The following TCF25 variants were observed in gnomAD, a reference collection of about 807,000 sequenced individuals.
The protein encoded by TCF25 is ribosome quality control complex subunit TCF25.
Under a neutral mutation model 83.1 loss-of-function variants are expected in TCF25, and 41 were observed. The observed-to-expected ratio is 0.49, with a 90% CI of 0.38 to 0.64. TCF25 has a LOEUF of 0.64. Among genes scored for constraint, TCF25 ranks in the 30% least tolerant of loss-of-function variants. TCF25 has a pLI of 0.00. For missense variants in TCF25, 979 were observed against 914.5 expected (o/e 1.07, Z -0.91); for synonymous variants, 458 against 365.0 (o/e 1.25, Z -2.90).
At chr16:89,910,701 G>A (rs1189722035) in intron 17 of TCF25, 38 bp downstream of exon 17, 5 of 1,602,768 alleles carry the variant, frequency 3.1e-6, no homozygotes, top group East Asian at 4.5e-5. Flanking sequence ...CTCCCCAGTG[G>A]GTGCGGGCAT....
At chr16:89,878,343 T>G (rs1597257592) in intron 1 of TCF25, 1 of 957,846 alleles carries the variant, frequency 1.0e-6, no homozygotes, top group Non-Finnish European at 1.3e-6. Flanking sequence ...CCCAGCACTG[T>G]GGGAGGCCAA....
chr16:89,900,256 C>G (rs1163098041), intron 11 of TCF25, among the ~76,000 whole-genome samples: 1 of 152,012 alleles, frequency 6.6e-6, no homozygotes, highest in Non-Finnish European at 1.5e-5. Context: ...GAAACTCGCG[C>G]GGCAGTGGGC....
intron 1 of TCF25, chr16:89,878,625 T>G (rs1567692836): frequency 8.8e-7 from 1 of 1,137,204 alleles, no homozygotes; most frequent in East Asian, 7.3e-5. Flanking sequence ...TCACAGCTTT[T>G]GGGTAGGTAA....
intron 5 of TCF25, chr16:89,889,371 C>G: frequency 1.1e-5 from 3 of 279,950 alleles, no homozygotes; most frequent in South Asian, 1.0e-4. Flanking sequence ...GAAACAAGGT[C>G]TTACTTTGTT....
At chr16:89,896,892 G>A (rs568216278) in intron 9 of TCF25, among the ~76,000 whole-genome samples, 9 of 152,072 alleles carry the variant, frequency 5.9e-5, no homozygotes, top group Non-Finnish European at 1.2e-4. Context: ...GCCTGGTGGC[G>A]CGTGCCTGTG....
At chr16:89,876,743 G>C (rs996426602) in intron 1 of TCF25, among the ~76,000 whole-genome samples, 1 of 151,938 alleles carries the variant, frequency 6.6e-6, no homozygotes, top group Non-Finnish European at 1.5e-5. Flanking sequence ...TGGCTAACAC[G>C]GTGAAACCCC....
chr16:89,880,277 A>G (rs1257357775), intron 1 of TCF25, among the ~76,000 whole-genome samples: 2 of 152,212 alleles, frequency 1.3e-5, no homozygotes, highest in Non-Finnish European at 2.9e-5. Flanking sequence ...AGTCAGCATG[A>G]GTTAATAAAA....
chr16:89,875,187 G>A (rs2042085188), intron 1 of TCF25, among the ~76,000 whole-genome samples: 1 of 152,128 alleles, frequency 6.6e-6, no homozygotes, highest in Admixed American at 6.6e-5. Context: ...TTAAATTTTT[G>A]TCAATGTAAT....
At chr16:89,895,323 C>T (rs564129048) in intron 8 of TCF25, among the ~76,000 whole-genome samples, 186 bp downstream of exon 8, 1 of 152,340 alleles carries the variant, frequency 6.6e-6, no homozygotes, top group Admixed American at 6.5e-5. Flanking sequence ...ATATATGCCA[C>T]AGCCTCCCGA....
At chr16:89,891,787 C>G (rs2043450240) in intron 5 of TCF25, among the ~76,000 whole-genome samples, 2 of 152,268 alleles carry the variant, frequency 1.3e-5, no homozygotes, top group East Asian at 3.9e-4. Context: ...GCTCTGTCGT[C>G]CAGGCTGGAG....
Position 89,883,365 on chromosome 16 carries a change from T to A in TCF25, c.207T>A (p.Asp69Glu). The change falls in exon 2 of 18, where the codon GAT becomes GAA. Residue 69 changes from aspartate to glutamate, a missense_variant. By Grantham distance (45) the Asp-to-Glu change is conservative. Transcript: ENST00000263346. Reference sequence around the variant, plus strand: ...TGTTTTTCCAGATAAACATTGACGATCTTGAGGATGACCCTGTGGTGAACG... The same window carrying A: ...TGTTTTTCCAGATAAACATTGACGAACTTGAGGATGACCCTGTGGTGAACG... Reference protein sequence around the residue: ...NNRFELINIDDLEDDPVVNGE... With the variant: ...NNRFELINIDELEDDPVVNGE... 1 of 1,613,440 alleles carries A rather than the reference T, an allele frequency of 6.2e-7. No homozygotes were observed. Among genetic ancestry groups the A allele is most frequent in the Non-Finnish European group, 8.5e-7 (1 of 1,179,570 alleles).
intron 13 of TCF25, 193 bp downstream of exon 13, chr16:89,904,398 G>C (rs2144251231): frequency 1.6e-6 from 1 of 637,140 alleles, no homozygotes. Flanking sequence ...GTCCAGGTGG[G>C]ACAGCTGAGC....
rs375849546 is a variant in TCF25 at position 89,898,231 on chromosome 16, G to A, written c.1023-326G>A. Among the ~76,000 whole-genome samples the A allele has an allele frequency of 1.2e-3, 179 of 152,380 alleles. 4 individuals carry two copies. The South Asian group carries it at 0.035, about 30-fold the overall frequency. On this transcript the variant is annotated intron_variant, in intron 9 of 17. Transcript: ENST00000263346. ...ACATGGATCTCTGTGTGCTGGGCAC[G>A]TAGAAAATGCCAGCAGAACCCAGAG...
At chr16:89,896,791 C>T (rs903911498) in intron 9 of TCF25, among the ~76,000 whole-genome samples, 15 of 151,946 alleles carry the variant, frequency 9.9e-5, no homozygotes, top group Non-Finnish European at 1.6e-4. Flanking sequence ...CCTGACCTTG[C>T]GATCCACCCG....
intron 12 of TCF25, 50 bp downstream of exon 12, chr16:89,900,844 G>A (rs757384642): frequency 1.1e-4 from 168 of 1,471,306 alleles, no homozygotes; most frequent in Admixed American, 4.3e-4. Flanking sequence ...CCTGTCAGCC[G>A]TGGGGGCTGC....
At chr16:89,906,115 T>C in intron 14 of TCF25, 79 bp from the exon 15 acceptor site, 17 of 1,240,568 alleles carry the variant, frequency 1.4e-5, no homozygotes, top group Non-Finnish European at 1.9e-5. Context: ...TGGGTGGGGG[T>C]GGGGGCCGAG....
At chr16:89,884,525 C>G in intron 2 of TCF25, 57 bp from the exon 3 acceptor site, 1 of 1,583,968 alleles carries the variant, frequency 6.3e-7, no homozygotes, top group Non-Finnish European at 8.7e-7. Context: ...TGCTTTAATT[C>G]TCACTTCTTA....
chr16:89,905,181 C>T lies in TCF25; in HGVS notation c.1628+85C>T, dbSNP rs548756559. On this transcript the variant is annotated intron_variant, in intron 14 of 17. Coordinates refer to ENST00000263346, the MANE Select transcript of TCF25 (RefSeq NM_014972.3). ...ACACGGGGGCCTCGCATTCGGGAGG[C>T]GAGAAGGGCTGTGAGCAGCTTGGCC... The T allele has an allele frequency of 1.5e-5, 22 of 1,454,704 alleles. 1 individual carries two copies. In the African/African-American group the frequency reaches 1.7e-4, roughly 11 times the overall value. 90.1% of individuals were successfully genotyped at this position (1,454,704 alleles called of 1,614,324 possible).
intron 16 of TCF25, 44 bp from the exon 17 acceptor site, chr16:89,910,547 T>C: frequency 6.2e-7 from 1 of 1,605,622 alleles, no homozygotes; most frequent in Non-Finnish European, 8.5e-7. Context: ...GTCCCACGAG[T>C]CTCAGTTCAG....
Sources: gnomAD v4.1 joint callset for allele counts (sites outside exome capture counted in the v4.1 genomes callset) on GRCh38, gnomAD v4.1.1 for gene constraint, MANE v1.5 for transcripts, NCBI Gene and HGNC (gene_info 2026-07-23, HGNC 2026-07-21) for gene names.